Variants in CEP295 observed in about 807,000 individuals in gnomAD.
CEP295 encodes centrosomal protein of 295 kDa.
Under a neutral mutation model 291.6 loss-of-function variants are expected in CEP295, and 190 were observed. The observed-to-expected ratio is 0.65, with a 90% CI of 0.58 to 0.73. The LOEUF (loss-of-function observed/expected upper bound fraction) is 0.73, where lower values mean the gene tolerates loss of function less well. CEP295 is among the 30% of genes least tolerant of loss of function. The pLI is 0.00. For missense variants in CEP295, 2,863 were observed against 2,949.4 expected, an observed-to-expected ratio of 0.97 and a Z score of 0.68; for synonymous variants, 993 against 1,038.8, an observed-to-expected ratio of 0.96 and a Z score of 0.85.
chr11:93,708,231 T>G (rs1464291172), intron 18 of CEP295, among the ~76,000 whole-genome samples: 1 of 152,184 alleles, frequency 6.6e-6, no homozygotes, highest in Non-Finnish European at 1.5e-5. Context: ...TTATTCACTA[T>G]AGTCACCCTG....
chr11:93,689,417 G>T (rs539450700), intron 10 of CEP295, among the ~76,000 whole-genome samples: 2 of 152,152 alleles, frequency 1.3e-5, no homozygotes, highest in South Asian at 4.1e-4. Context: ...CAGCTTGCTC[G>T]CTGTTTCTCA....
intron 11 of CEP295, 56 bp downstream of exon 11, chr11:93,691,831 A>T: frequency 7.7e-7 from 1 of 1,304,276 alleles, no homozygotes; most frequent in Non-Finnish European, 1.1e-6. Context: ...TCTTTTTTTT[A>T]AATAAAATTA....
At position 93,727,191 on chromosome 11, in the gene CEP295, T is replaced by G. The variant is rs916411183; in HGVS notation, c.6715T>G (p.Tyr2239Asp). The change falls in exon 24 of 30, where the codon TAC becomes GAC. Residue 2239 changes from tyrosine to aspartate, a missense_variant. By Grantham distance (160) the Tyr-to-Asp change is radical. Around this residue, in one of 3 missense-constraint regions of CEP295, gnomAD observed 2,295 missense variants for 2,335.7 expected, o/e 0.98. Transcript: ENST00000325212. ...TTCTATAGGAAACTTAAGTTCAGTCTACAGTTCATCTGATGAAGCTAATGT... is the reference window on the plus strand; with the variant it reads ...TTCTATAGGAAACTTAAGTTCAGTCGACAGTTCATCTGATGAAGCTAATGT... ...QLSIGNLSSV[Y>D]SSSDEANVFD... The G allele has an allele frequency of 6.4e-7, 1 of 1,551,270 alleles. No individual in the cohort carries two copies. Among genetic ancestry groups the G allele is most frequent in the Non-Finnish European group, 8.7e-7 (1 of 1,146,742 alleles).
intron 18 of CEP295, among the ~76,000 whole-genome samples, chr11:93,712,339 C>T (rs962757570): frequency 1.2e-4 from 19 of 152,072 alleles, no homozygotes; most frequent in East Asian, 1.9e-4. Context: ...CTGCAGCCTC[C>T]GCCTCGTGGG....
In CEP295 at chr11:93,716,652, G is replaced by T. The variant is rs12295009; in HGVS notation, c.5750-4660G>T. 8.4e-3 allele frequency among the ~76,000 whole-genome samples: 1,273 copies of T among 152,326 alleles called. 11 individuals are homozygous for T. The highest frequency in any genetic ancestry group is 0.031 in the Middle Eastern group (9 of 294). The stretch of plus-strand genomic sequence containing the variant: ...GGCTTTTATACACACTTCACAAAAG[G>T]GGGTGGGCTAGCTTGAAGCAAGCTT... On this transcript the variant is annotated intron_variant, in intron 18 of 29. Coordinates refer to ENST00000325212, the MANE Select transcript of CEP295 (RefSeq NM_033395.2).
intron 21 of CEP295, 113 bp downstream of exon 21, chr11:93,723,402 T>C: frequency 1.3e-6 from 1 of 762,724 alleles, no homozygotes; most frequent in Non-Finnish European, 2.1e-6. Context: ...TATGGCCTGC[T>C]ACAACACCGT....
Position 93,706,821 on chromosome 11 carries a change from A to G in CEP295, c.5673A>G (p.Pro1891=), listed in dbSNP as rs951815630. The change falls in exon 18 of 30, where the codon CCA becomes CCG. Residue 1891 remains proline, a synonymous_variant. Transcript: ENST00000325212. ...GAGAACAAAGTTTCTTTGGGAGCCC[A>G]CTGGCCCATGATCCGTTTAGTTGTC... ...ISREQSFFGS[P]LAHDPFSCLQ... The G allele has an allele frequency of 1.9e-6, 3 of 1,550,680 alleles. No homozygotes were observed. The highest frequency in any genetic ancestry group is 2.7e-5 in the African/African-American group (2 of 73,040).
chr11:93,680,449 C>T (rs1192081300), intron 7 of CEP295, among the ~76,000 whole-genome samples: 2 of 151,874 alleles, frequency 1.3e-5, no homozygotes, highest in East Asian at 3.9e-4. Flanking sequence ...TACCAAAATT[C>T]CAAAAATTAG....
At chr11:93,701,581 T>G (rs1237704990) in intron 15 of CEP295, among the ~76,000 whole-genome samples, 2 of 151,382 alleles carry the variant, frequency 1.3e-5, no homozygotes, top group East Asian at 1.9e-4. Context: ...GGAGGCTAAG[T>G]TTTTTTTTGT....
At position 93,723,078 on chromosome 11, in the gene CEP295, A is replaced by G. The variant is rs905965167; in HGVS notation, c.5985A>G (p.Glu1995=). Residue 1995 remains glutamate (E), a synonymous_variant, in exon 21 of 30, where the codon GAA becomes GAG. Transcript: ENST00000325212. ...FSEHMDDSKQ[E]STTSKEEETN... is the part of the protein sequence containing the mutation. ...AGCACATGGATGATAGCAAGCAAGA[A>G]TCTACCACCAGTAAAGAAGAGGAAA... The G allele has an allele frequency of 3.2e-6, 5 of 1,551,188 alleles. No homozygotes were observed. The highest frequency in any genetic ancestry group is 2.7e-5 in the African/African-American group (2 of 73,058).
intron 17 of CEP295, among the ~76,000 whole-genome samples, chr11:93,706,295 A>G (rs556488290): frequency 2.3e-4 from 35 of 152,300 alleles, no homozygotes; most frequent in African/African-American, 8.4e-4. Flanking sequence ...GAGGTGCACA[A>G]ATCATGTTTG....
In CEP295 at chr11:93,724,263, A is replaced by G. The variant is rs1953975714; in HGVS notation, c.6206A>G (p.His2069Arg). The change falls in exon 22 of 30, where the codon CAC becomes CGC. Residue 2069 changes from histidine to arginine, a missense_variant. By Grantham distance (29) the His-to-Arg change is conservative (BLOSUM62 0). Around this residue, in one of 3 missense-constraint regions of CEP295, gnomAD observed 2,295 missense variants for 2,335.7 expected, o/e 0.98. Transcript: ENST00000325212. ...GACCTTGACTTTCCAGAATTGGAACACATTTTTCCTAATTTGCATCATCAG... is the reference window on the plus strand; with the variant it reads ...GACCTTGACTTTCCAGAATTGGAACGCATTTTTCCTAATTTGCATCATCAG... The part of the protein sequence containing the change: ...PEKTDLQELE[H>R]IFPNLHHQLF... 4 of 1,547,476 alleles carry G rather than the reference A, an allele frequency of 2.6e-6. No individual in the cohort carries two copies. Among genetic ancestry groups the G allele is most frequent in the Non-Finnish European group, 3.5e-6 (4 of 1,145,950 alleles).
At chr11:93,720,202 G>A (rs1426841606) in intron 18 of CEP295, among the ~76,000 whole-genome samples, 1 of 151,964 alleles carries the variant, frequency 6.6e-6, no homozygotes, top group Non-Finnish European at 1.5e-5. Flanking sequence ...GCCAGGCGTG[G>A]TGGCTCACAC....
chr11:93,700,107 T>C lies in CEP295; in HGVS notation c.5195T>C (p.Leu1732Pro), dbSNP rs192763656. The change falls in exon 15 of 30, where the codon CTT (leucine) becomes CCT (proline). Residue 1732 changes from leucine (L) to proline (P), a missense_variant. Coordinates refer to ENST00000325212, the MANE Select transcript of CEP295 (RefSeq NM_033395.2). ...AGCCAGAAAGCCCAGGAAAAATTGCTTGTACAGAGACAAACAGCATTGCAG... is the reference window on the plus strand; with the variant it reads ...AGCCAGAAAGCCCAGGAAAAATTGCCTGTACAGAGACAAACAGCATTGCAG... ...HYSQKAQEKL[L>P]VQRQTALQQQ... is the part of the protein sequence containing the mutation. 1.2e-4 allele frequency: 193 copies of C among 1,551,746 alleles called. 1 individual carries two copies. In the East Asian group the frequency reaches 2.2e-3, roughly 18 times the overall value.
At chr11:93,681,459 AGGCGGG>A (rs1271337514) in intron 7 of CEP295, among the ~76,000 whole-genome samples, 1 of 114,670 alleles carries the variant, frequency 8.7e-6, no homozygotes, top group Admixed American at 1.4e-4. Flanking sequence ...TCTATCACTC[AGGCGGG>A]AGTGCAATGG....
chr11:93,729,888 T>A lies in CEP295; in HGVS notation c.7586T>A (p.Leu2529Gln), dbSNP rs767279117. 18 of 1,549,608 alleles carry A rather than the reference T, an allele frequency of 1.2e-5. No homozygotes were observed. In the South Asian group the frequency reaches 2.0e-4, roughly 18 times the overall value. Residue 2529 changes from leucine to glutamine, a missense_variant, in exon 28 of 30, where the codon CTA (leucine) becomes CAA (glutamine). Physicochemically the swap from Leu to Gln is moderately radical, Grantham distance 113. Around this residue, in one of 3 missense-constraint regions of CEP295, gnomAD observed 2,295 missense variants for 2,335.7 expected, o/e 0.98. Coordinates refer to ENST00000325212, the MANE Select transcript of CEP295 (RefSeq NM_033395.2). ...KPSISSSVSR[L>Q]KGVNKVRASF... ...TCCTCAGGTTCATCTGTGAGTCGTC[T>A]AAAGGGCGTGAATAAAGTCAGAGCA...
intron 6 of CEP295, among the ~76,000 whole-genome samples, chr11:93,677,276 G>A (rs937199647): frequency 3.9e-5 from 6 of 152,096 alleles, no homozygotes; most frequent in Admixed American, 2.6e-4. Flanking sequence ...ATATTTGCAC[G>A]CTTGGCATAT....
intron 5 of CEP295, among the ~76,000 whole-genome samples, chr11:93,674,843 T>G (rs1402596592): frequency 3.3e-5 from 5 of 152,240 alleles, no homozygotes; most frequent in African/African-American, 1.2e-4. Context: ...GTGAGCTCCT[T>G]GAAGCCAGGG....
chr11:93,721,428 A>C lies in CEP295; in HGVS notation c.5850+16A>C. On this transcript the variant is annotated intron_variant, in intron 19 of 29. Coordinates refer to ENST00000325212, the MANE Select transcript of CEP295 (RefSeq NM_033395.2). ...AGATGATAAGGTTAGTAATGTCTTA[A>C]TGTTCACTCGATTTTTAGAGCTGTT... is the stretch of plus-strand genomic sequence containing the variant. 6.8e-7 allele frequency: 1 copy of C among 1,464,012 alleles called. No individual in the cohort carries two copies. Among genetic ancestry groups the C allele is most frequent in the Non-Finnish European group, 9.6e-7 (1 of 1,043,212 alleles). 90.7% of individuals were successfully genotyped at this position (1,464,012 alleles called of 1,614,324 possible).
Sources: allele counts gnomAD v4.1 joint callset (sites outside exome capture counted in the v4.1 genomes callset), GRCh38; gene constraint gnomAD v4.1.1; regional missense constraint gnomAD v4.1.1; transcripts MANE v1.5; gene names NCBI Gene and HGNC (gene_info 2026-07-23, HGNC 2026-07-21).